Variants in SKAP2 observed in about 807,000 individuals in gnomAD.
SKAP2 encodes the protein src kinase-associated phosphoprotein 2.
A neutral mutation model predicts 54.9 loss-of-function variants in SKAP2; 28 were observed. The observed-to-expected ratio is 0.51, with a 90% CI of 0.38 to 0.70. SKAP2 has a LOEUF of 0.70. Among genes scored for constraint, SKAP2 ranks in the 30% least tolerant of loss-of-function variants. SKAP2 has a pLI of 0.00. For synonymous variants in SKAP2, 137 were observed against 134.3 expected, an observed-to-expected ratio of 1.02 and a Z score of -0.14; for missense variants, 356 against 424.1, an observed-to-expected ratio of 0.84 and a Z score of 1.41.
chr7:26,713,643 A>T (rs1787357928), intron 9 of SKAP2, among the ~76,000 whole-genome samples: 1 of 151,352 alleles, frequency 6.6e-6, no homozygotes, highest in Non-Finnish European at 1.5e-5. Context: ...TCTGTCGCCC[A>T]GGCTGGAGTG....
At chr7:26,774,086 G>C (rs1275823465) in intron 4 of SKAP2, among the ~76,000 whole-genome samples, 1 of 152,260 alleles carries the variant, frequency 6.6e-6, no homozygotes, top group South Asian at 2.1e-4. Flanking sequence ...GCCGAGGTGG[G>C]TGGATCACTT....
chr7:26,814,931 A>C (rs1342052603), intron 4 of SKAP2, among the ~76,000 whole-genome samples: 1 of 152,092 alleles, frequency 6.6e-6, no homozygotes, highest in East Asian at 1.9e-4. Flanking sequence ...CCTTCATCAA[A>C]AATATCTAGT....
At chr7:26,730,041 T>C (rs1787789526) in intron 6 of SKAP2, among the ~76,000 whole-genome samples, 1 of 152,206 alleles carries the variant, frequency 6.6e-6, no homozygotes, top group Non-Finnish European at 1.5e-5. Context: ...CTCACAACTC[T>C]TTCTAATAGC....
intron 4 of SKAP2, among the ~76,000 whole-genome samples, chr7:26,778,486 C>G (rs903646582): frequency 6.6e-6 from 1 of 152,044 alleles, no homozygotes; most frequent in African/African-American, 2.4e-5. Context: ...ACATAAAGAA[C>G]AGCAAAGAAC....
chr7:26,816,324 C>T (rs6948657), intron 4 of SKAP2, among the ~76,000 whole-genome samples: 32,224 of 151,948 alleles, frequency 0.21, 3,478 homozygotes, highest in Non-Finnish European at 0.24. Flanking sequence ...TCAGCATTAA[C>T]TGGCAGAGCT....
At chr7:26,840,643 G>A (rs10486481) in intron 4 of SKAP2, among the ~76,000 whole-genome samples, 12,093 of 152,028 alleles carry the variant, frequency 0.08, 572 homozygotes, top group Middle Eastern at 0.17. Flanking sequence ...CCAGCCACAT[G>A]ATAGCATAAA....
intron 4 of SKAP2, among the ~76,000 whole-genome samples, chr7:26,768,125 A>C (rs1783101872): frequency 6.6e-6 from 1 of 152,174 alleles, no homozygotes; most frequent in Non-Finnish European, 1.5e-5. Context: ...AAACTTGTTT[A>C]TGAATCTGGG....
chr7:26,849,686 CAAA>C (rs11327610), intron 3 of SKAP2, among the ~76,000 whole-genome samples: 4 of 85,490 alleles, frequency 4.7e-5, no homozygotes. Context: ...GACTCCATCT[CAAA>C]AAAAAAAAAA....
intron 4 of SKAP2, among the ~76,000 whole-genome samples, chr7:26,756,506 C>G (rs1344474178): frequency 1.3e-5 from 2 of 152,188 alleles, no homozygotes; most frequent in Non-Finnish European, 2.9e-5. Flanking sequence ...AGGACATGAA[C>G]TCATCCTTTT....
Position 26,678,598 on chromosome 7 carries a change from G to C in SKAP2, c.987+6138C>G, listed in dbSNP as rs184091148. On this transcript the variant is annotated intron_variant, in intron 11 of 12. Coordinates refer to ENST00000345317, the MANE Select transcript of SKAP2 (RefSeq NM_003930.5). ...TGGGACTACAGGTGCGCACCACCAC[G>C]CCCAGGTAATTTTTCTATTTTTAGT... Among the ~76,000 whole-genome samples the C allele has an allele frequency of 4.7e-3, 707 of 151,838 alleles. 4 individuals are homozygous for C. The highest frequency in any genetic ancestry group is 0.016 in the African/African-American group (667 of 41,368).
intron 6 of SKAP2, among the ~76,000 whole-genome samples, chr7:26,727,685 A>C (rs1279296960): frequency 1.3e-5 from 2 of 152,170 alleles, no homozygotes; most frequent in Non-Finnish European, 2.9e-5. Flanking sequence ...TTTGAATCTC[A>C]CATGATAAAG....
At chr7:26,845,713 C>T (rs1784907059) in intron 3 of SKAP2, among the ~76,000 whole-genome samples, 1 of 152,156 alleles carries the variant, frequency 6.6e-6, no homozygotes, top group African/African-American at 2.4e-5. Context: ...CAGAAGATCG[C>T]TTGTGGCCAG....
chr7:26,788,358 G>A (rs988377627), intron 4 of SKAP2, among the ~76,000 whole-genome samples: 1 of 151,140 alleles, frequency 6.6e-6, no homozygotes, highest in East Asian at 1.9e-4. Context: ...CATCTTCGCA[G>A]TGGTTAAGAA....
intron 4 of SKAP2, among the ~76,000 whole-genome samples, chr7:26,830,197 CAG>C (rs1784570291): frequency 6.6e-6 from 1 of 152,030 alleles, no homozygotes; most frequent in African/African-American, 2.4e-5. Context: ...TCTGTAGAAA[CAG>C]AAATTAGATT....
intron 4 of SKAP2, among the ~76,000 whole-genome samples, chr7:26,766,805 C>A (rs1783067028): frequency 6.6e-6 from 1 of 152,164 alleles, no homozygotes; most frequent in African/African-American, 2.4e-5. Flanking sequence ...GCCTTGCATC[C>A]CAGGGATGAA....
intron 6 of SKAP2, among the ~76,000 whole-genome samples, chr7:26,738,046 G>T (rs1363101195): frequency 2.6e-5 from 4 of 152,102 alleles, no homozygotes; most frequent in Non-Finnish European, 5.9e-5. Flanking sequence ...AGGAGTTTGA[G>T]GCTGCAGGGT....
intron 4 of SKAP2, among the ~76,000 whole-genome samples, chr7:26,789,671 C>G (rs777916231): frequency 3.9e-5 from 6 of 152,142 alleles, no homozygotes; most frequent in Non-Finnish European, 7.4e-5. Flanking sequence ...CAAGCCTTAA[C>G]CATCTGTCAA....
At chr7:26,864,195 T>C (rs1785325711) in intron 1 of SKAP2, among the ~76,000 whole-genome samples, 168 bp downstream of exon 1, 1 of 151,988 alleles carries the variant, frequency 6.6e-6, no homozygotes, top group African/African-American at 2.4e-5. Flanking sequence ...ACTCCCTTTC[T>C]GAGACAAAAC....
At chr7:26,706,642 T>G (rs2127948189) in intron 9 of SKAP2, among the ~76,000 whole-genome samples, 1 of 152,300 alleles carries the variant, frequency 6.6e-6, no homozygotes, top group African/African-American at 2.4e-5. Context: ...AACAAGCAAC[T>G]TCTGTCACAT....
Sources: gnomAD v4.1 joint callset for allele counts (sites outside exome capture counted in the v4.1 genomes callset) on GRCh38, gnomAD v4.1.1 for gene constraint, MANE v1.5 for transcripts, NCBI Gene and HGNC (gene_info 2026-07-23, HGNC 2026-07-21) for gene names.